TACR1: variants seen among roughly 807,000 people sequenced by gnomAD.
TACR1 encodes the protein substance-P receptor.
TACR1 carries 25 observed loss-of-function variants against 35.8 expected under a neutral mutation model. The ratio of observed to expected loss-of-function variants is 0.70; its 90% CI spans 0.51 to 0.98. TACR1 has a LOEUF of 0.98. Ranked by LOEUF, TACR1 falls within the 50% of genes least tolerant of loss-of-function variation. TACR1 has a pLI of 0.00. For missense variants in TACR1, 478 were observed against 522.9 expected, an observed-to-expected ratio of 0.91 and a Z score of 0.84; for synonymous variants, 195 against 206.7, an observed-to-expected ratio of 0.94 and a Z score of 0.48.
intron 2 of TACR1, among the ~76,000 whole-genome samples, chr2:75,112,235 CTGAG>C (rs1328178119): frequency 2.0e-5 from 3 of 151,794 alleles, no homozygotes; most frequent in African/African-American, 4.8e-5. Context: ...ACCCCTAGTA[CTGAG>C]TATTTTGATA....
intron 1 of TACR1, among the ~76,000 whole-genome samples, chr2:75,130,904 A>C (rs1674165201): frequency 6.6e-6 from 1 of 152,244 alleles, no homozygotes; most frequent in Non-Finnish European, 1.5e-5. Context: ...CCGTTGTTCT[A>C]AATTAACTTC....
intron 2 of TACR1, among the ~76,000 whole-genome samples, chr2:75,059,257 A>G (rs1672625909): frequency 6.6e-6 from 1 of 152,186 alleles, no homozygotes; most frequent in Admixed American, 6.5e-5. Flanking sequence ...CACTACTTCT[A>G]AAGCTGAGCT....
At chr2:75,076,468 C>G (rs1672982682) in intron 2 of TACR1, among the ~76,000 whole-genome samples, 1 of 152,178 alleles carries the variant, frequency 6.6e-6, no homozygotes, top group East Asian at 1.9e-4. Context: ...TGGTTTGTCT[C>G]TCAGAGTCAA....
intron 1 of TACR1, among the ~76,000 whole-genome samples, chr2:75,150,552 T>A (rs1281347400): frequency 6.6e-6 from 1 of 152,172 alleles, no homozygotes; most frequent in Non-Finnish European, 1.5e-5. Flanking sequence ...TACCAGTGAA[T>A]CTCCTGCCAT....
At chr2:75,099,346 A>G (rs1673487709) in intron 2 of TACR1, among the ~76,000 whole-genome samples, 1 of 152,036 alleles carries the variant, frequency 6.6e-6, no homozygotes, top group South Asian at 2.1e-4. Flanking sequence ...CATAAATACC[A>G]TGTCCATCCT....
intron 1 of TACR1, among the ~76,000 whole-genome samples, chr2:75,141,132 T>C (rs1488484727): frequency 6.6e-6 from 1 of 152,154 alleles, no homozygotes; most frequent in African/African-American, 2.4e-5. Context: ...GCTCTCTCTC[T>C]TCCTCTCTTA....
chr2:75,083,643 T>C lies in TACR1; in HGVS notation c.585-29888A>G, dbSNP rs1673135343. ...GTTCTCCTTGAAGAGGTCCTTCACT[T>C]CCCTTGTAAGTTGGATTCCTAGGTA... On this transcript the variant is annotated intron_variant, in intron 2 of 4. Coordinates refer to ENST00000305249, the MANE Select transcript of TACR1 (RefSeq NM_001058.4). 2.6e-5 allele frequency among the ~76,000 whole-genome samples: 4 copies of C among 152,336 alleles called. No homozygotes were observed. In the South Asian group the frequency reaches 6.2e-4, roughly 24 times the overall value.
intron 1 of TACR1, among the ~76,000 whole-genome samples, chr2:75,156,511 G>A (rs899122185): frequency 6.0e-5 from 9 of 150,746 alleles, no homozygotes; most frequent in African/African-American, 2.2e-4. Flanking sequence ...GCTGAGGCAG[G>A]AGAATGGTGT....
chr2:75,129,711 G>A (rs1674142512), intron 1 of TACR1, among the ~76,000 whole-genome samples: 1 of 152,090 alleles, frequency 6.6e-6, no homozygotes, highest in Non-Finnish European at 1.5e-5. Flanking sequence ...ATTGGGCCTG[G>A]CAGGCTATGT....
At position 75,199,297 on chromosome 2, in the gene TACR1, GCAACT is replaced by G. The variant is rs1358144502; in HGVS notation, c.-368_-364del. The G allele has an allele frequency of 8.6e-6, 2 of 233,130 alleles. No homozygotes were observed. The highest frequency in any genetic ancestry group is 1.8e-4 in the East Asian group (2 of 11,226). 14.4% of individuals were successfully genotyped at this position (233,130 alleles called of 1,614,324 possible). ...CGCATTTATGCACCTGCTGCTGCCT[GCAACT>G]CCTATTTCTCCTTCCTCCGCAGGGA... On this transcript the variant is annotated 5_prime_UTR_variant, in exon 1 of 5. Transcript: ENST00000305249.
chr2:75,110,746 A>G (rs796270073), intron 2 of TACR1, among the ~76,000 whole-genome samples: 6 of 152,004 alleles, frequency 3.9e-5, no homozygotes, highest in African/African-American at 1.4e-4. Flanking sequence ...TCTTTAATCA[A>G]TCTTTTATGA....
chr2:75,114,628 T>A (rs1446579191), intron 2 of TACR1, among the ~76,000 whole-genome samples: 3 of 152,206 alleles, frequency 2.0e-5, no homozygotes, highest in Non-Finnish European at 4.4e-5. Flanking sequence ...TTTTGCAAAG[T>A]CAAATTTTTC....
intron 1 of TACR1, among the ~76,000 whole-genome samples, chr2:75,141,361 C>T (rs1397373512): frequency 6.6e-6 from 1 of 152,122 alleles, no homozygotes; most frequent in African/African-American, 2.4e-5. Flanking sequence ...AGATAAAACC[C>T]TCCCTAATGA....
At chr2:75,085,299 A>T (rs1477591889) in intron 2 of TACR1, among the ~76,000 whole-genome samples, 3 of 151,986 alleles carry the variant, frequency 2.0e-5, no homozygotes, top group Non-Finnish European at 4.4e-5. Context: ...ATGATCTCCT[A>T]AAAAACCCAG....
chr2:75,088,592 C>T (rs1035288629), intron 2 of TACR1, among the ~76,000 whole-genome samples: 1 of 152,202 alleles, frequency 6.6e-6, no homozygotes, highest in African/African-American at 2.4e-5. Context: ...TTGTTATGTT[C>T]CTCCTGCAGA....
At chr2:75,115,398 A>C (rs970615224) in intron 2 of TACR1, among the ~76,000 whole-genome samples, 1 of 152,166 alleles carries the variant, frequency 6.6e-6, no homozygotes, top group Non-Finnish European at 1.5e-5. Context: ...GTGAGAATGT[A>C]AATTAGTACA....
intron 1 of TACR1, among the ~76,000 whole-genome samples, chr2:75,133,000 T>A (rs1279432094): frequency 6.6e-6 from 1 of 152,188 alleles, no homozygotes; most frequent in Admixed American, 6.5e-5. Context: ...ACTGAGGATA[T>A]AGCTTTTTGG....
chr2:75,173,827 G>A (rs1675347435), intron 1 of TACR1, among the ~76,000 whole-genome samples: 1 of 152,214 alleles, frequency 6.6e-6, no homozygotes, highest in Non-Finnish European at 1.5e-5. Context: ...TAAGTCAAGA[G>A]AAAGGCAGAA....
At chr2:75,079,015 T>A (rs191039988) in intron 2 of TACR1, among the ~76,000 whole-genome samples, 1 of 152,182 alleles carries the variant, frequency 6.6e-6, no homozygotes, top group Non-Finnish European at 1.5e-5. Context: ...ATCAAAATCC[T>A]GTCTGTGCTT....
Sources: gnomAD v4.1 joint callset for allele counts (sites outside exome capture counted in the v4.1 genomes callset) on GRCh38, gnomAD v4.1.1 for gene constraint, MANE v1.5 for transcripts, NCBI Gene and HGNC (gene_info 2026-07-23, HGNC 2026-07-21) for gene names.